ELP5: variants seen among roughly 807,000 people sequenced by gnomAD.
ELP5 encodes elongator acetyltransferase complex subunit 5, also known as elongator complex protein 5.
ELP5 carries 34 observed loss-of-function variants against 33.4 expected under a neutral mutation model. That is an observed-to-expected ratio of 1.02 (90% confidence interval 0.78 to 1.36). The LOEUF is 1.36. Among genes scored for constraint, ELP5 ranks in the 40% most tolerant of loss-of-function variants. ELP5 has a pLI of 0.00. For synonymous variants in ELP5, 161 were observed against 146.4 expected (o/e 1.10, Z -0.72); for missense variants, 373 against 371.7 (o/e 1.00, Z -0.03).
At chr17:7,255,583 C>G (rs190456331) in intron 4 of ELP5, among the ~76,000 whole-genome samples, 20 of 151,604 alleles carry the variant, frequency 1.3e-4, no homozygotes, top group Non-Finnish European at 2.1e-4. Flanking sequence ...CAAATTTGGC[C>G]GGGCAGGGGC....
At position 7,256,970 on chromosome 17, in the gene ELP5, G is replaced by C. The variant is rs148389960; in HGVS notation, c.523G>C (p.Gly175Arg). The C allele has an allele frequency of 9.3e-6, 15 of 1,613,090 alleles. No homozygotes were observed. Among genetic ancestry groups the C allele is most frequent in the Middle Eastern group, 1.7e-4 (1 of 6,058 alleles). The change falls in exon 5 of 8, where the codon GGC becomes CGC. Residue 175 changes from glycine to arginine, a missense_variant. Coordinates refer to ENST00000396628, the MANE Select transcript of ELP5 (RefSeq NM_203414.3). ...CCTTGCTCAGACTGAGGTGACCCTGGGCGGTACCATGGGCCAGGCCTCGGC... is the reference window on the plus strand; with the variant it reads ...CCTTGCTCAGACTGAGGTGACCCTGCGCGGTACCATGGGCCAGGCCTCGGC... The part of the protein sequence containing the change: ...SSLAQTEVTL[G>R]GTMGQASAHI...
intron 1 of ELP5, 44 bp from the exon 2 acceptor site, chr17:7,252,726 A>G (rs1272062942): frequency 1.2e-6 from 2 of 1,613,460 alleles, no homozygotes; most frequent in Non-Finnish European, 1.7e-6. Flanking sequence ...CGAAGGCGGT[A>G]ATCCCAGCGC....
chr17:7,252,626 G>C (rs965470917), intron 1 of ELP5, 30 bp downstream of exon 1: 1 of 1,607,066 alleles, frequency 6.2e-7, no homozygotes, highest in Non-Finnish European at 8.5e-7. Flanking sequence ...TGGCGGGGCG[G>C]GGGGTGCGGT....
intron 5 of ELP5, among the ~76,000 whole-genome samples, chr17:7,257,866 G>A (rs1053359906): frequency 2.0e-5 from 3 of 152,026 alleles, no homozygotes; most frequent in Non-Finnish European, 2.9e-5. Flanking sequence ...TCAGGAGTTC[G>A]AGACCGGCCT....
At chr17:7,253,248 T>A (rs980217271) in intron 3 of ELP5, among the ~76,000 whole-genome samples, 1 of 152,182 alleles carries the variant, frequency 6.6e-6, no homozygotes, top group African/African-American at 2.4e-5. Flanking sequence ...GGAAGGGTAT[T>A]GCAGTAATCC....
chr17:7,254,253 C>T (rs73976775), intron 3 of ELP5, among the ~76,000 whole-genome samples: 10,351 of 152,256 alleles, frequency 0.068, 1,175 homozygotes, highest in African/African-American at 0.23. Flanking sequence ...ATGGTGATAA[C>T]TAACATTTAT....
chr17:7,254,841 C>G, intron 4 of ELP5, 38 bp downstream of exon 4: 2 of 1,561,390 alleles, frequency 1.3e-6, no homozygotes, highest in Non-Finnish European at 1.8e-6. Flanking sequence ...TCATACATCT[C>G]CCTCTGCCAA....
intron 5 of ELP5, among the ~76,000 whole-genome samples, chr17:7,257,870 C>T (rs1323205269): frequency 6.6e-6 from 1 of 151,986 alleles, no homozygotes; most frequent in African/African-American, 2.4e-5. Flanking sequence ...GAGTTCGAGA[C>T]CGGCCTGGCT....
Position 7,252,223 on chromosome 17 carries a change from C to A in ELP5, c.-328C>A. The A allele has an allele frequency of 2.3e-6, 1 of 436,520 alleles. No homozygotes were observed. The highest frequency in any genetic ancestry group is 4.9e-5 in the East Asian group (1 of 20,206). The allele number at this position is 436,520 out of a possible 1,614,324, so 27.0% of individuals were successfully genotyped here. On this transcript the variant is annotated 5_prime_UTR_variant, in exon 1 of 8. Transcript: ENST00000396628. ...GCGGGGAGAGTGACGTCACTTGGCCCGCGCTTAGGGCCCTCGCGGGGGGCT... is the reference window on the plus strand; with the variant it reads ...GCGGGGAGAGTGACGTCACTTGGCCAGCGCTTAGGGCCCTCGCGGGGGGCT...
At chr17:7,257,957 A>G (rs1202589602) in intron 5 of ELP5, among the ~76,000 whole-genome samples, 1 of 152,066 alleles carries the variant, frequency 6.6e-6, no homozygotes, top group Non-Finnish European at 1.5e-5. Context: ...AGTCCCAGCT[A>G]TTCGGGAGGC....
At chr17:7,255,104 G>T (rs2072046150) in intron 4 of ELP5, among the ~76,000 whole-genome samples, 1 of 151,962 alleles carries the variant, frequency 6.6e-6, no homozygotes, top group Non-Finnish European at 1.5e-5. Context: ...AATACAGACT[G>T]ACTGTAGCTG....
chr17:7,256,094 T>A (rs2072069349), intron 4 of ELP5, among the ~76,000 whole-genome samples: 1 of 152,144 alleles, frequency 6.6e-6, no homozygotes, highest in South Asian at 2.1e-4. Context: ...GGCTCATGCC[T>A]GTAATCCCAG....
At chr17:7,254,550 AATATT>A (rs1227562077) in intron 3 of ELP5, 28 bp from the exon 4 acceptor site, 2 of 1,509,812 alleles carry the variant, frequency 1.3e-6, no homozygotes, top group Admixed American at 1.8e-5. Context: ...GGGAAGGGGC[AATATT>A]ATATTGTGTC....
At position 7,258,595 on chromosome 17, in the gene ELP5, G is replaced by T; in HGVS notation, c.599G>T (p.Trp200Leu). ...PRQRPTDQTQ[W>L]FSILPDFSLD... is the part of the protein sequence containing the mutation. Reference sequence around the variant, plus strand: ...TTTCTTTTTTCTCTCCAGACTCAGTGGTTCTCCATCCTTCCGGACTTCAGC... The same window carrying T: ...TTTCTTTTTTCTCTCCAGACTCAGTTGTTCTCCATCCTTCCGGACTTCAGC... The change falls in exon 6 of 8, where the codon TGG becomes TTG. Residue 200 changes from tryptophan (W) to leucine (L), a missense_variant. Transcript: ENST00000396628. The T allele has an allele frequency of 6.2e-7, 1 of 1,614,112 alleles. No homozygotes were observed. The highest frequency in any genetic ancestry group is 1.1e-5 in the South Asian group (1 of 91,084).
Position 7,252,599 on chromosome 17 carries a change from G to T in ELP5, c.46+3G>T. ...GGGCGGCCTGGTGCTGCTTCGGGGT[G>T]AGAGCCAGAGGCACGGTGGCGGGGC... On this transcript the variant is annotated splice_donor_region_variant and intron_variant, in intron 1 of 7. Transcript: ENST00000396628. 1 of 1,611,992 alleles carries T rather than the reference G, an allele frequency of 6.2e-7. No homozygotes were observed.
rs913606465 is a variant in ELP5 at position 7,259,916 on chromosome 17, T to A, written c.*231T>A. 4 of 505,054 alleles carry A rather than the reference T, an allele frequency of 7.9e-6. No individual in the cohort carries two copies. The highest frequency in any genetic ancestry group is 7.9e-5 in the African/African-American group (4 of 50,780). The allele number at this position is 505,054 out of a possible 1,614,324, so 31.3% of individuals were successfully genotyped here. A position where few individuals can be genotyped will look rare whatever the true frequency, so the allele number is the denominator to read the frequency against. ...AGAACACCCCCGTACCTAATAAAAA[T>A]CTTTATTTTTTTATTAAAAAAGAAG... On this transcript the variant is annotated 3_prime_UTR_variant, in exon 8 of 8. Coordinates refer to ENST00000396628, the MANE Select transcript of ELP5 (RefSeq NM_203414.3).
intron 5 of ELP5, among the ~76,000 whole-genome samples, chr17:7,257,656 T>C (rs897776022): frequency 1.3e-5 from 2 of 151,922 alleles, no homozygotes; most frequent in Non-Finnish European, 2.9e-5. Context: ...AGGCTGGTCT[T>C]GAATAACTAG....
chr17:7,252,254 GTCC>G lies in ELP5; in HGVS notation c.-290_-288del. 2.0e-6 allele frequency: 1 copy of G among 498,798 alleles called. No homozygotes were observed. The highest frequency in any genetic ancestry group is 2.0e-5 in the South Asian group (1 of 49,528). 30.9% of individuals were successfully genotyped at this position (498,798 alleles called of 1,614,324 possible). A position where few individuals can be genotyped will look rare whatever the true frequency, so the allele number is the denominator to read the frequency against. On this transcript the variant is annotated 5_prime_UTR_variant, in exon 1 of 8. Transcript: ENST00000396628. ...TAGGGCCCTCGCGGGGGGCTTGTGGGTCCTCCTCCCCCTCCCACTGACAACTGC... is the reference window on the plus strand; with the variant it reads ...TAGGGCCCTCGCGGGGGGCTTGTGGGTCCTCCCCCTCCCACTGACAACTGC...
chr17:7,258,899 TC>T lies in ELP5; in HGVS notation c.763del (p.Leu255CysfsTer55). On this transcript the variant is annotated frameshift_variant, in exon 7 of 8. Transcript: ENST00000396628. LOFTEE classifies it high-confidence loss of function. Reference protein sequence around the residue: ...KKEREARDSLILPFQFSSEKQ... With the variant: ...KKEREARDSLXLPFQFSSEKQ... ...GAGAGAGAAGCCAGAGATAGCCTGA[TC>T]CTGCCCTTCCAGTTCAGTTCTGAAA... 6.2e-7 allele frequency: 1 copy of T among 1,614,166 alleles called. No homozygotes were observed. The highest frequency in any genetic ancestry group is 8.5e-7 in the Non-Finnish European group (1 of 1,180,028).
Sources: allele counts gnomAD v4.1 joint callset (sites outside exome capture counted in the v4.1 genomes callset), GRCh38; gene constraint gnomAD v4.1.1; transcripts MANE v1.5; gene names NCBI Gene and HGNC (gene_info 2026-07-23, HGNC 2026-07-21).